Variants in NMT1 observed in about 807,000 individuals in gnomAD.
NMT1 encodes N-myristoyltransferase 1.
In NMT1, 12 loss-of-function variants were observed where a neutral mutation model predicts 63.4. The ratio of observed to expected loss-of-function variants is 0.19; its 90% CI spans 0.12 to 0.31. The LOEUF is 0.31. Ranked by LOEUF, NMT1 falls within the 10% of genes least tolerant of loss-of-function variation. NMT1 has a pLI of 1.00. For missense variants in NMT1, 432 were observed against 634.6 expected, an observed-to-expected ratio of 0.68 and a Z score of 3.43; for synonymous variants, 228 against 234.3, an observed-to-expected ratio of 0.97 and a Z score of 0.25.
chr17:45,073,937 A>G (rs542885767), intron 1 of NMT1, among the ~76,000 whole-genome samples: 28 of 152,222 alleles, frequency 1.8e-4, no homozygotes, highest in South Asian at 1.2e-3. Flanking sequence ...CCAGGCATGC[A>G]GTTTTGAGCG....
In NMT1 at chr17:45,061,342, A is replaced by C. The variant is rs564172691; in HGVS notation, c.13A>C (p.Ser5Arg). The C allele has an allele frequency of 4.6e-5, 75 of 1,613,846 alleles. No homozygotes were observed. In the East Asian group the frequency reaches 1.4e-3, roughly 31 times the overall value. MADESETAVKPPAPP... is the reference protein window; with the variant it reads MADERETAVKPPAPP... The stretch of plus-strand genomic sequence containing the variant: ...CTCGCAACTCAAGATGGCGGACGAG[A>C]GTGAGACAGCAGTGAAGCCGCCGGC... The change falls in exon 1 of 12, where the codon AGT becomes CGT. Residue 5 changes from serine (S) to arginine (R), a missense_variant. Ser to Arg is a moderately radical substitution (Grantham distance 110). Transcript: ENST00000258960.
intron 1 of NMT1, among the ~76,000 whole-genome samples, chr17:45,062,934 G>A (rs1239954833): frequency 2.0e-5 from 3 of 152,072 alleles, no homozygotes; most frequent in African/African-American, 4.8e-5. Context: ...CACAGGAAGG[G>A]CCGGGCATGG....
In NMT1 at chr17:45,104,467, A is replaced by G. The variant is rs909366369; in HGVS notation, c.1333-392A>G. 9.1e-7 allele frequency: 1 copy of G among 1,094,292 alleles called. No individual in the cohort carries two copies. The highest frequency in any genetic ancestry group is 1.1e-6 in the Non-Finnish European group (1 of 896,190). The allele number at this position is 1,094,292 out of a possible 1,614,324, so 67.8% of individuals were successfully genotyped here. Reference sequence around the variant, plus strand: ...TGAGGGCCTGAGAGTTGGGGCATCCATGGAGTAAGGAAGCAACACAAACCC... The same window carrying G: ...TGAGGGCCTGAGAGTTGGGGCATCCGTGGAGTAAGGAAGCAACACAAACCC... On this transcript the variant is annotated intron_variant, in intron 10 of 11. Transcript: ENST00000258960. This position sits in a 1 kb window ranked among gnomAD's most constrained non-coding sequence, Gnocchi z 4.2.
chr17:45,074,281 C>T (rs1329265680), intron 1 of NMT1, among the ~76,000 whole-genome samples: 7 of 148,264 alleles, frequency 4.7e-5, no homozygotes, highest in Non-Finnish European at 1.0e-4. Context: ...GTGGCTGGTT[C>T]TCTGCTCACT....
chr17:45,086,483 T>C (rs6503422), intron 2 of NMT1, 25 bp from the exon 3 acceptor site: 894,396 of 1,581,714 alleles, frequency 0.57, 256,412 homozygotes, highest in African/African-American at 0.64. Context: ...TGGGCCTTTT[T>C]TCTCCCCAAC....
rs369396286 is a variant in NMT1, at chr17:45,079,991, C to T, written c.132-1653C>T. Reference sequence around the variant, plus strand: ...GGGATTACAGGCGTGAGCCACTGCGCCCGGCCACATGTTTCTTGTAATCTC... The same window carrying T: ...GGGATTACAGGCGTGAGCCACTGCGTCCGGCCACATGTTTCTTGTAATCTC... On this transcript the variant is annotated intron_variant, in intron 1 of 11. Transcript: ENST00000258960. Among the ~76,000 whole-genome samples the T allele has an allele frequency of 6.6e-5, 10 of 152,296 alleles. No homozygotes were observed. In the East Asian group the frequency reaches 1.9e-3, roughly 29 times the overall value.
intron 3 of NMT1, among the ~76,000 whole-genome samples, chr17:45,088,854 G>A (rs1466569514): frequency 6.6e-6 from 1 of 151,946 alleles, no homozygotes; most frequent in East Asian, 1.9e-4. Context: ...ACCTGTAAAT[G>A]TAGAAAGTGC....
At position 45,096,302 on chromosome 17, in the gene NMT1, T is replaced by C; in HGVS notation, c.596+17T>C. 6.3e-7 allele frequency: 1 copy of C among 1,586,892 alleles called. No homozygotes were observed. Among genetic ancestry groups the C allele is most frequent in the Non-Finnish European group, 8.7e-7 (1 of 1,155,270 alleles). On this transcript the variant is annotated intron_variant, in intron 5 of 11. Coordinates refer to ENST00000258960, the MANE Select transcript of NMT1 (RefSeq NM_021079.5). ...TCTTTTGTGGTAAGTTGTGGGGGCT[T>C]TCTTGAGGTTCTTGAGAGGAAGGCA...
chr17:45,097,051 A>G lies in NMT1; in HGVS notation c.597-77A>G. 2.5e-6 allele frequency: 3 copies of G among 1,211,908 alleles called. No individual in the cohort carries two copies. The South Asian group carries it at 3.6e-5, about 15-fold the overall frequency. 75.1% of individuals were successfully genotyped at this position (1,211,908 alleles called of 1,614,324 possible). On this transcript the variant is annotated intron_variant, in intron 5 of 11. Coordinates refer to ENST00000258960, the MANE Select transcript of NMT1 (RefSeq NM_021079.5). ...GAGGTGGTAGCACCAGGTCCGAACC[A>G]AATTTGGCTGTGGAGCCCAAGCGGC...
At chr17:45,100,773 GA>G (rs1180865522) in intron 8 of NMT1, among the ~76,000 whole-genome samples, 2 of 140,800 alleles carry the variant, frequency 1.4e-5, no homozygotes, top group African/African-American at 5.3e-5. Context: ...TGAGGCAGGA[GA>G]ATGGCATGAA....
intron 1 of NMT1, among the ~76,000 whole-genome samples, chr17:45,080,751 G>A (rs2054012473): frequency 6.6e-6 from 1 of 152,022 alleles, no homozygotes; most frequent in Non-Finnish European, 1.5e-5. Flanking sequence ...TTACAGGTGT[G>A]AGCCACCGCG....
intron 3 of NMT1, among the ~76,000 whole-genome samples, chr17:45,092,766 G>T (rs1190829964): frequency 3.3e-5 from 5 of 151,822 alleles, no homozygotes; most frequent in Non-Finnish European, 5.9e-5. Flanking sequence ...GAGTCTGAAA[G>T]TCAGTAAAAG....
intron 3 of NMT1, among the ~76,000 whole-genome samples, chr17:45,088,233 G>A (rs1259199773): frequency 1.3e-5 from 2 of 152,220 alleles, no homozygotes; most frequent in Non-Finnish European, 2.9e-5. Context: ...TGGGCCACAG[G>A]GTAGGGTCCC....
In NMT1 at chr17:45,104,042, A is replaced by G; in HGVS notation, c.1332+166A>G. 1.3e-6 allele frequency: 2 copies of G among 1,563,518 alleles called. No individual in the cohort carries two copies. The highest frequency in any genetic ancestry group is 1.7e-6 in the Non-Finnish European group (2 of 1,162,120). On this transcript the variant is annotated intron_variant, in intron 10 of 11. Transcript: ENST00000258960. This position sits in a 1 kb window ranked among gnomAD's most constrained non-coding sequence, Gnocchi z 4.2. Reference sequence around the variant, plus strand: ...CGCAGTTTTTAGGCAGAAACTCAAAACTTGGAGGGAACAAGGAGCATCCGA... The same window carrying G: ...CGCAGTTTTTAGGCAGAAACTCAAAGCTTGGAGGGAACAAGGAGCATCCGA...
rs1327902327 is a variant in NMT1 at position 45,106,791 on chromosome 17, A to C, written c.*1152A>C. On this transcript the variant is annotated 3_prime_UTR_variant, in exon 12 of 12. Coordinates refer to ENST00000258960, the MANE Select transcript of NMT1 (RefSeq NM_021079.5). ...AAGAAGTGATTAGAGGCAGATCTGG[A>C]CTTGGCAACAGAAGTGGTTTCCCAT... 6.5e-6 allele frequency: 1 copy of C among 152,756 alleles called. No homozygotes were observed. The highest frequency in any genetic ancestry group is 1.9e-4 in the East Asian group (1 of 5,180). The allele number at this position is 152,756 out of a possible 1,614,324, so 9.5% of individuals were successfully genotyped here.
chr17:45,085,295 G>T (rs1208474851), intron 2 of NMT1, among the ~76,000 whole-genome samples: 1 of 152,034 alleles, frequency 6.6e-6, no homozygotes, highest in Non-Finnish European at 1.5e-5. Context: ...TATTACTAAA[G>T]AACAAAATCA....
chr17:45,067,120 T>A (rs1398974284), intron 1 of NMT1, among the ~76,000 whole-genome samples: 2 of 152,094 alleles, frequency 1.3e-5, no homozygotes, highest in African/African-American at 4.8e-5. Context: ...ATAACCTTTA[T>A]GCAGCATCCC....
intron 6 of NMT1, 86 bp from the exon 7 acceptor site, chr17:45,098,296 T>C: frequency 7.6e-7 from 1 of 1,320,474 alleles, no homozygotes; most frequent in Non-Finnish European, 1.1e-6. Context: ...GACCTGGTCC[T>C]TCTAGGTGTG....
chr17:45,099,722 T>C (rs1031531583), intron 8 of NMT1: 7 of 562,132 alleles, frequency 1.2e-5, no homozygotes, highest in Admixed American at 6.1e-5. Context: ...TTCCTCTGAG[T>C]CTGTGCCTGG....
Sources: gnomAD v4.1 joint callset for allele counts (sites outside exome capture counted in the v4.1 genomes callset) on GRCh38, gnomAD v4.1.1 for gene constraint, Gnocchi (gnomAD v3.1) non-coding constraint, MANE v1.5 for transcripts, NCBI Gene and HGNC (gene_info 2026-07-23, HGNC 2026-07-21) for gene names.